The following THSD4 variants were observed in gnomAD, a reference collection of about 807,000 sequenced individuals.
THSD4 encodes the protein thrombospondin type-1 domain-containing protein 4.
A neutral mutation model predicts 119.0 loss-of-function variants in THSD4; 69 were observed. The ratio of observed to expected loss-of-function variants is 0.58; its 90% confidence interval spans 0.48 to 0.71. The LOEUF (loss-of-function observed/expected upper bound fraction) is 0.71, where lower values mean the gene tolerates loss of function less well. Among genes scored for constraint, THSD4 ranks in the 30% least tolerant of loss-of-function variants. The pLI, the probability that THSD4 is intolerant of heterozygous loss-of-function variation, is 0.00. For synonymous variants in THSD4, 524 were observed against 540.4 expected (o/e 0.97, Z 0.42); for missense variants, 1,393 against 1,391.1 (o/e 1.00, Z -0.02).
rs1753735344 is a variant in THSD4 at position 71,450,341 on chromosome 15, GA to G, written c.1152+38519del. Reference sequence around the variant, plus strand: ...GGTGAGAATAATGCAGGCAATTGAAGATTTTTTTTTTTCTTGCTCTAATTTT... The same window carrying G: ...GGTGAGAATAATGCAGGCAATTGAAGTTTTTTTTTTTCTTGCTCTAATTTT... On this transcript the variant is annotated intron_variant, in intron 7 of 17. Coordinates refer to ENST00000261862, the MANE Select transcript of THSD4 (RefSeq NM_024817.3). 2.0e-5 allele frequency among the ~76,000 whole-genome samples: 3 copies of G among 150,882 alleles called. No individual in the cohort carries two copies. In the South Asian group the frequency reaches 6.3e-4, roughly 32 times the overall value.
intron 8 of THSD4, among the ~76,000 whole-genome samples, chr15:71,664,122 A>G (rs540062248): frequency 3.3e-5 from 5 of 151,850 alleles, no homozygotes; most frequent in African/African-American, 7.3e-5. Context: ...AGCTGGGACT[A>G]CAGGCGCTCA....
chr15:71,136,959 C>T (rs1172482874), intron 1 of THSD4, among the ~76,000 whole-genome samples: 1 of 152,148 alleles, frequency 6.6e-6, no homozygotes, highest in Admixed American at 6.5e-5. Flanking sequence ...CTGACCCCAC[C>T]GTCCTGAGCC....
intron 2 of THSD4, among the ~76,000 whole-genome samples, chr15:71,150,838 A>G (rs904103991): frequency 5.9e-5 from 9 of 152,126 alleles, no homozygotes; most frequent in Non-Finnish European, 1.3e-4. Context: ...AATTCACAGT[A>G]TTTTCACTTA....
chr15:71,646,534 T>C (rs1283613131), intron 7 of THSD4, among the ~76,000 whole-genome samples: 2 of 152,228 alleles, frequency 1.3e-5, no homozygotes, highest in African/African-American at 4.8e-5. Context: ...TTTATTTGTG[T>C]TTCTTTGAAT....
At chr15:71,435,032 A>G (rs1666900371) in intron 7 of THSD4, among the ~76,000 whole-genome samples, 1 of 152,234 alleles carries the variant, frequency 6.6e-6, no homozygotes, top group African/African-American at 2.4e-5. Flanking sequence ...AAACTTAAAG[A>G]TGAGCTGCAC....
chr15:71,579,091 C>A (rs1243337280), intron 7 of THSD4, among the ~76,000 whole-genome samples: 2 of 152,104 alleles, frequency 1.3e-5, no homozygotes, highest in Non-Finnish European at 1.5e-5. Context: ...GATCCACCCA[C>A]CTCAGCCTCC....
chr15:71,504,726 A>G (rs1399530808), intron 7 of THSD4, among the ~76,000 whole-genome samples: 2 of 152,212 alleles, frequency 1.3e-5, no homozygotes, highest in Non-Finnish European at 2.9e-5. Flanking sequence ...TTACTAGGGT[A>G]CATTTATGAA....
chr15:71,530,027 G>A (rs1228194748), intron 7 of THSD4, among the ~76,000 whole-genome samples: 1 of 152,198 alleles, frequency 6.6e-6, no homozygotes, highest in Non-Finnish European at 1.5e-5. Context: ...CAGTGCTTCT[G>A]TTATGGTAAC....
At chr15:71,360,372 A>C (rs1373146010) in intron 6 of THSD4, among the ~76,000 whole-genome samples, 4 of 152,232 alleles carry the variant, frequency 2.6e-5, no homozygotes, top group Non-Finnish European at 5.9e-5. Context: ...CAAGAAAGTT[A>C]CTAAGGCCAA....
intron 3 of THSD4, among the ~76,000 whole-genome samples, chr15:71,213,199 T>C (rs1446599838): frequency 1.3e-5 from 2 of 152,322 alleles, no homozygotes; most frequent in Admixed American, 1.3e-4. Flanking sequence ...CAGGAATTCC[T>C]TGGCTTGTGG....
chr15:71,174,193 G>A (rs1207900341), intron 3 of THSD4, among the ~76,000 whole-genome samples: 1 of 152,178 alleles, frequency 6.6e-6, no homozygotes, highest in African/African-American at 2.4e-5. Context: ...CCCAGCGTGA[G>A]CGACGCAGAA....
intron 6 of THSD4, among the ~76,000 whole-genome samples, chr15:71,278,468 G>T (rs2140311307): frequency 6.6e-6 from 1 of 152,304 alleles, no homozygotes; most frequent in East Asian, 1.9e-4. Context: ...TTAAAATGTA[G>T]GTGATTAATA....
intron 7 of THSD4, among the ~76,000 whole-genome samples, chr15:71,582,725 G>T (rs2049584024): frequency 1.3e-5 from 2 of 152,094 alleles, no homozygotes; most frequent in South Asian, 4.1e-4. Flanking sequence ...TTCTACATCA[G>T]TTGAGAGGAT....
chr15:71,727,546 AAAAAAAAATATATATATATATAT>A (rs1426687417), intron 8 of THSD4, among the ~76,000 whole-genome samples: 1 of 100,856 alleles, frequency 9.9e-6, no homozygotes, highest in African/African-American at 4.8e-5. Context: ...AAAAAAAAAA[AAAAAAAAATATATATATATATAT>A]ATATATATAT....
At chr15:71,701,549 A>T (rs1273366649) in intron 8 of THSD4, among the ~76,000 whole-genome samples, 1 of 152,176 alleles carries the variant, frequency 6.6e-6, no homozygotes, top group Non-Finnish European at 1.5e-5. Flanking sequence ...ACTATTCAAC[A>T]ATAGAAAAAT....
chr15:71,727,147 T>G (rs2141124634), intron 8 of THSD4, among the ~76,000 whole-genome samples: 1 of 152,198 alleles, frequency 6.6e-6, no homozygotes, highest in South Asian at 2.1e-4. Flanking sequence ...ATGGGCCTCA[T>G]GAACTTGAAC....
rs1401710965 is a variant in THSD4, at chr15:71,441,740, C to G, written c.1152+29917C>G. On this transcript the variant is annotated intron_variant, in intron 7 of 17. Coordinates refer to ENST00000261862, the MANE Select transcript of THSD4 (RefSeq NM_024817.3). ...ATATAGTAACATGCAGTAGGACTTA[C>G]TACCCTGCCTCTCAGGAGCTGGATC... is the stretch of plus-strand genomic sequence containing the variant. Among the ~76,000 whole-genome samples the G allele has an allele frequency of 2.0e-5, 3 of 152,066 alleles. No homozygotes were observed. In the East Asian group the frequency reaches 5.9e-4, roughly 30 times the overall value.
At position 71,627,737 on chromosome 15, in the gene THSD4, A is replaced by G. The variant is rs74022174; in HGVS notation, c.1153-32793A>G. Among the ~76,000 whole-genome samples, 799 of 152,278 alleles carry G rather than the reference A, an allele frequency of 5.2e-3. 7 individuals are homozygous for G. The highest frequency in any genetic ancestry group is 0.019 in the African/African-American group (773 of 41,550). ...GTACAATAGGGCAGGGGAGAGGAAG[A>G]TTTTGGTTCAGAGTAAGGAGAGATT... On this transcript the variant is annotated intron_variant, in intron 7 of 17. Transcript: ENST00000261862.
At chr15:71,208,838 C>T (rs143039537) in intron 3 of THSD4, among the ~76,000 whole-genome samples, 5 of 152,154 alleles carry the variant, frequency 3.3e-5, no homozygotes, top group East Asian at 1.9e-4. Context: ...TTTCCTGCTC[C>T]CTGGCTCATG....
Sources: gnomAD v4.1 joint callset for allele counts (sites outside exome capture counted in the v4.1 genomes callset) on GRCh38, gnomAD v4.1.1 for gene constraint, MANE v1.5 for transcripts, NCBI Gene and HGNC (gene_info 2026-07-23, HGNC 2026-07-21) for gene names.